The following GALNT16 variants were observed in gnomAD, a reference collection of about 807,000 sequenced individuals.
The protein encoded by GALNT16 is polypeptide N-acetylgalactosaminyltransferase 16, also known as UDP-GalNAc:polypeptide N-acetylgalactosaminyltransferase-like protein 1.
Under a neutral mutation model 76.1 loss-of-function variants are expected in GALNT16, and 40 were observed. That is an observed-to-expected ratio of 0.53 (90% CI 0.41 to 0.68). The LOEUF (loss-of-function observed/expected upper bound fraction) is 0.68. GALNT16 is among the 30% of genes least tolerant of loss of function. The probability of loss-of-function intolerance (pLI) is 0.00; values close to 1 mark genes in which losing one functional copy is unlikely to be tolerated. For missense variants in GALNT16, 621 were observed against 731.9 expected, an observed-to-expected ratio of 0.85 and a Z score of 1.75; for synonymous variants, 276 against 285.2, an observed-to-expected ratio of 0.97 and a Z score of 0.32.
chr14:69,327,357 C>T (rs2045299158), intron 5 of GALNT16, among the ~76,000 whole-genome samples: 1 of 151,416 alleles, frequency 6.6e-6, no homozygotes, highest in African/African-American at 2.4e-5. Context: ...CACTCAGTTT[C>T]GAAAAAAAGA....
the GALNT16 span, among the ~76,000 whole-genome samples, chr14:69,383,218 A>G: frequency 2.6e-5 from 4 of 152,390 alleles, no homozygotes; most frequent in South Asian, 2.1e-4. Flanking sequence ...TACGAAATAC[A>G]AATTTTCATG....
At chr14:69,360,426 G>A (rs1236507971), downstream of GALNT16, among the ~76,000 whole-genome samples, 1 of 151,748 alleles carries the variant, frequency 6.6e-6, no homozygotes, top group Non-Finnish European at 1.5e-5. Context: ...CCAGGAGTTC[G>A]AGACCAGCCT....
At chr14:69,363,281 G>A in the GALNT16 span, among the ~76,000 whole-genome samples, 4 of 152,290 alleles carry the variant, frequency 2.6e-5, no homozygotes, top group East Asian at 7.7e-4. Flanking sequence ...TCACGCTGCC[G>A]AGAAGGACCC....
intron 1 of GALNT16, among the ~76,000 whole-genome samples, chr14:69,297,086 G>A (rs1434044952): frequency 6.6e-6 from 1 of 152,182 alleles, no homozygotes; most frequent in Non-Finnish European, 1.5e-5. Context: ...CTCTTAACAG[G>A]CAATGCTGTG....
chr14:69,329,860 G>A (rs1018868734), intron 6 of GALNT16, among the ~76,000 whole-genome samples: 3 of 152,010 alleles, frequency 2.0e-5, no homozygotes, highest in Non-Finnish European at 4.4e-5. Flanking sequence ...AGCCATGAAC[G>A]ATCCACCCCC....
At chr14:69,310,587 T>C (rs896102076) in intron 1 of GALNT16, among the ~76,000 whole-genome samples, 4 of 152,218 alleles carry the variant, frequency 2.6e-5, no homozygotes, top group Non-Finnish European at 4.4e-5. Context: ...TTACTAACAA[T>C]GTATGGTTCA....
the GALNT16 span, among the ~76,000 whole-genome samples, chr14:69,362,616 C>A: frequency 3.2e-4 from 48 of 152,346 alleles, no homozygotes; most frequent in African/African-American, 1.1e-3. Flanking sequence ...GCTGCTTAGG[C>A]ATCCTGAGCC....
chr14:69,335,528 T>C lies in GALNT16; in HGVS notation c.967+1928T>C, dbSNP rs1286901695. Among the ~76,000 whole-genome samples, 8 of 151,844 alleles carry C rather than the reference T, an allele frequency of 5.3e-5. No individual in the cohort carries two copies. In the South Asian group the frequency reaches 1.7e-3, roughly 32 times the overall value. ...CTCCAAAGGCCATTTTTTCTTTTTC[T>C]TTTTTTTCTGAGGCTAGAGACAGAG... On this transcript the variant is annotated intron_variant, in intron 9 of 14. Transcript: ENST00000448469.
intron 1 of GALNT16, among the ~76,000 whole-genome samples, chr14:69,281,108 C>A (rs28439407): frequency 0.03 from 4,517 of 151,846 alleles, 214 homozygotes; most frequent in African/African-American, 0.1. Flanking sequence ...TCCTTGTATA[C>A]CCAGTGGACA....
At chr14:69,316,780 G>GGT (rs71250085) in intron 1 of GALNT16, among the ~76,000 whole-genome samples, 23,984 of 126,778 alleles carry the variant, frequency 0.19, 2,902 homozygotes, top group East Asian at 0.6. Context: ...TCTGTGAGGG[G>GGT]GGGGGGCACT....
At chr14:69,301,390 G>A (rs2044850396) in intron 1 of GALNT16, among the ~76,000 whole-genome samples, 1 of 152,120 alleles carries the variant, frequency 6.6e-6, no homozygotes. Flanking sequence ...GTCTCTCTGT[G>A]TTGCCCAGGC....
the GALNT16 span, among the ~76,000 whole-genome samples, chr14:69,373,302 C>G: frequency 6.6e-6 from 1 of 152,186 alleles, no homozygotes; most frequent in East Asian, 1.9e-4. Context: ...AGAAAGAAAC[C>G]ATGATCTATC....
At position 69,352,139 on chromosome 14, in the gene GALNT16, C is replaced by G; in HGVS notation, c.1648C>G (p.Gln550Glu). The change falls in exon 15 of 15, where the codon CAG becomes GAG. Residue 550 changes from glutamine to glutamate, a missense_variant. Transcript: ENST00000448469. The stretch of plus-strand genomic sequence containing the variant: ...CAAGTGTCAGGCTGACGCCCAGGCC[C>G]AGCAGTGGCAGCTGTTGCCACACAC... ...TSKCQADAQA[Q>E]QWQLLPHT 1 of 1,612,784 alleles carries G rather than the reference C, an allele frequency of 6.2e-7. No homozygotes were observed. Among genetic ancestry groups the G allele is most frequent in the Non-Finnish European group, 8.5e-7 (1 of 1,179,374 alleles).
chr14:69,337,686 G>T (rs76314768), intron 9 of GALNT16, among the ~76,000 whole-genome samples: 5,267 of 152,278 alleles, frequency 0.035, 122 homozygotes, highest in South Asian at 0.055. Context: ...GTGGGTCCAG[G>T]TATGCCAAGT....
At position 69,272,507 on chromosome 14, in the gene GALNT16, A is replaced by C. The variant is rs569754305; in HGVS notation, c.177+12040A>C. Among the ~76,000 whole-genome samples, 29 of 152,336 alleles carry C rather than the reference A, an allele frequency of 1.9e-4. 1 individual carries two copies. The South Asian group carries it at 2.5e-3, about 13-fold the overall frequency. On this transcript the variant is annotated intron_variant, in intron 1 of 14. Coordinates refer to ENST00000448469, the MANE Select transcript of GALNT16 (RefSeq NM_001168368.2). Reference sequence around the variant, plus strand: ...TCCCATCAGATTATAATGGAACTGAAATATTCCTCCCCTACTGACCCTGTA... The same window carrying C: ...TCCCATCAGATTATAATGGAACTGACATATTCCTCCCCTACTGACCCTGTA...
At chr14:69,366,683 C>G in the GALNT16 span, among the ~76,000 whole-genome samples, 1 of 152,238 alleles carries the variant, frequency 6.6e-6, no homozygotes, top group South Asian at 2.1e-4. Context: ...CTGCCTCATA[C>G]TCCTTTATAA....
intron 1 of GALNT16, among the ~76,000 whole-genome samples, chr14:69,285,018 A>T (rs1594821022): frequency 1.4e-5 from 2 of 142,872 alleles, no homozygotes; most frequent in Middle Eastern, 3.8e-3. Context: ...TTTCCTTTAT[A>T]TGTTACCCAG....
At chr14:69,322,981 T>TGTGTGCGCGCGC (rs1196943800) in intron 2 of GALNT16, among the ~76,000 whole-genome samples, 1 of 28,324 alleles carries the variant, frequency 3.5e-5, no homozygotes, top group South Asian at 1.5e-3. Context: ...TGTGTGTGTG[T>TGTGTGCGCGCGC]GCGCGCGCAC....
Position 69,328,495 on chromosome 14 carries a change from C to T in GALNT16, c.614C>T (p.Thr205Ile), listed in dbSNP as rs766138593. The T allele has an allele frequency of 6.2e-7, 1 of 1,613,980 alleles. No homozygotes were observed. Among genetic ancestry groups the T allele is most frequent in the South Asian group, 1.1e-5 (1 of 91,076 alleles). ...RVRGADVAAATVLTFLDSHCE... is the reference protein window; with the variant it reads ...RVRGADVAAAIVLTFLDSHCE... ...CGTGGGGCGGACGTGGCTGCAGCTA[C>T]CGTTCTCACCTTTCTGGATAGCCAC... is the stretch of plus-strand genomic sequence containing the variant. Residue 205 changes from threonine (T) to isoleucine (I), a missense_variant, in exon 6 of 15, where the codon ACC (threonine) becomes ATC (isoleucine). Thr to Ile is a moderately conservative substitution (Grantham distance 89, BLOSUM62 -1). Coordinates refer to ENST00000448469, the MANE Select transcript of GALNT16 (RefSeq NM_001168368.2).
Sources: gnomAD v4.1 joint callset for allele counts (sites outside exome capture counted in the v4.1 genomes callset) on GRCh38, gnomAD v4.1.1 for gene constraint, MANE v1.5 for transcripts, NCBI Gene and HGNC (gene_info 2026-07-23, HGNC 2026-07-21) for gene names.